The following CFAP97 variants were observed in gnomAD, a reference collection of about 807,000 sequenced individuals.
CFAP97 encodes the protein cilia- and flagella-associated protein 97.
CFAP97 carries 36 observed loss-of-function variants against 43.1 expected under a neutral mutation model. The observed-to-expected ratio is 0.84, with a 90% confidence interval of 0.64 to 1.10. CFAP97 has a LOEUF of 1.10. CFAP97 is among the 50% of genes least tolerant of loss of function. The pLI is 0.00. For synonymous variants in CFAP97, 228 were observed against 225.7 expected (o/e 1.01, Z -0.09); for missense variants, 657 against 620.3 (o/e 1.06, Z -0.63).
intron 3 of CFAP97, among the ~76,000 whole-genome samples, chr4:185,174,355 C>A (rs921660628): frequency 6.6e-6 from 1 of 152,150 alleles, no homozygotes; most frequent in Admixed American, 6.5e-5. Context: ...TCCCACCGAC[C>A]TCATTTCACC....
upstream of CFAP97, chr4:185,210,108 C>T: frequency 3.0e-6 from 3 of 984,146 alleles, no homozygotes; most frequent in African/African-American, 3.5e-5. The surrounding 1 kb of genome is among the most constrained non-coding windows in gnomAD (Gnocchi z 4.4). Context: ...TGTTCAGGCT[C>T]AGCCTGTACC....
At chr4:185,170,332 C>T (rs747172637) in intron 3 of CFAP97, 21 of 599,038 alleles carry the variant, frequency 3.5e-5, no homozygotes, top group Non-Finnish European at 5.4e-5. Context: ...GGTGACAGAG[C>T]GAGATAGTCT....
chr4:185,165,101 C>G (rs1344262032), intron 3 of CFAP97, among the ~76,000 whole-genome samples: 1 of 152,112 alleles, frequency 6.6e-6, no homozygotes, highest in Admixed American at 6.6e-5. Flanking sequence ...GAGAAAAAAG[C>G]TTTTGCTGTT....
At chr4:185,196,561 T>C (rs1736555433) in intron 1 of CFAP97, among the ~76,000 whole-genome samples, 2 of 152,106 alleles carry the variant, frequency 1.3e-5, no homozygotes, top group Non-Finnish European at 2.9e-5. Flanking sequence ...GTACTAGGCC[T>C]TGATGTAAAA....
In CFAP97 at chr4:185,160,325, G is replaced by A. The variant is rs1198001214; in HGVS notation, c.*2473C>T. The A allele has an allele frequency of 6.6e-6, 1 of 151,898 alleles. No homozygotes were observed. The highest frequency in any genetic ancestry group is 2.4e-5 in the African/African-American group (1 of 41,330). The allele number at this position is 151,898 out of a possible 1,614,324, so 9.4% of individuals were successfully genotyped here. A position where few individuals can be genotyped will look rare whatever the true frequency, so the allele number is the denominator to read the frequency against. ...AGACCTCGGATTAGCATACTTTCTA[G>A]TTATAGATGTAAATCTTCAAAGTAC... is the stretch of plus-strand genomic sequence containing the variant. On this transcript the variant is annotated 3_prime_UTR_variant, in exon 5 of 5. Transcript: ENST00000458385.
chr4:185,181,387 G>A (rs930308149), intron 2 of CFAP97, among the ~76,000 whole-genome samples: 3 of 136,272 alleles, frequency 2.2e-5, no homozygotes, highest in South Asian at 4.7e-4. Context: ...ATGCAATGGC[G>A]CGATCTTGGC....
chr4:185,178,274 G>T (rs1279007690), intron 2 of CFAP97, among the ~76,000 whole-genome samples: 5 of 120,808 alleles, frequency 4.1e-5, no homozygotes, highest in Non-Finnish European at 8.0e-5. Flanking sequence ...TTGAGACAGG[G>T]TCTTGCTCTG....
chr4:185,173,064 T>A (rs973904387), intron 3 of CFAP97, among the ~76,000 whole-genome samples: 1 of 151,026 alleles, frequency 6.6e-6, no homozygotes, highest in Non-Finnish European at 1.5e-5. Flanking sequence ...ATTTTTTAAA[T>A]AGAAAAATAA....
intron 2 of CFAP97, among the ~76,000 whole-genome samples, chr4:185,185,204 C>CT (rs542631243): frequency 7.4e-5 from 11 of 149,462 alleles, no homozygotes; most frequent in Non-Finnish European, 1.0e-4. Context: ...GTGAGCTGTA[C>CT]TTTTTTTTTT....
chr4:185,200,264 G>A (rs185393841), intron 1 of CFAP97, among the ~76,000 whole-genome samples: 1 of 152,322 alleles, frequency 6.6e-6, no homozygotes, highest in East Asian at 1.9e-4. Flanking sequence ...AGAAGGCCAA[G>A]GCAGGAGGAC....
intron 2 of CFAP97, among the ~76,000 whole-genome samples, chr4:185,183,672 AGACT>A (rs1218523122): frequency 6.6e-6 from 1 of 152,254 alleles, no homozygotes; most frequent in African/African-American, 2.4e-5. Context: ...CTTATATAAT[AGACT>A]GACAGTCCTA....
chr4:185,176,109 C>CTTTTG (rs1553970911), intron 2 of CFAP97, 58 bp from the exon 3 acceptor site: 43,359 of 1,032,112 alleles, frequency 0.042, 1,825 homozygotes, highest in African/African-American at 0.25. Flanking sequence ...GTGGTACATG[C>CTTTTG]TTTTTTTTTT....
chr4:185,192,979 A>T (rs1430548084), intron 1 of CFAP97, among the ~76,000 whole-genome samples: 1 of 152,002 alleles, frequency 6.6e-6, no homozygotes, highest in African/African-American at 2.4e-5. Context: ...TGACCTTGTG[A>T]TCCGCCCACC....
upstream of CFAP97, among the ~76,000 whole-genome samples, chr4:185,204,801 C>G (rs1737115106): frequency 6.6e-6 from 1 of 152,166 alleles, no homozygotes; most frequent in African/African-American, 2.4e-5. Flanking sequence ...GGCAATGAGC[C>G]AAGGAGTGCA....
intron 2 of CFAP97, among the ~76,000 whole-genome samples, chr4:185,185,122 T>C (rs975359488): frequency 6.6e-6 from 1 of 152,218 alleles, no homozygotes; most frequent in Non-Finnish European, 1.5e-5. Context: ...AGAACAATAC[T>C]TTTTAATGCC....
Position 185,162,308 on chromosome 4 carries a change from T to A in CFAP97, c.*490A>T, listed in dbSNP as rs1734899093. Reference sequence around the variant, plus strand: ...ATCAGCTCTACCAGTGAAAACAAATTTCAAGATTTGTTTCATAATAAGTGT... The same window carrying A: ...ATCAGCTCTACCAGTGAAAACAAATATCAAGATTTGTTTCATAATAAGTGT... On this transcript the variant is annotated 3_prime_UTR_variant, in exon 5 of 5. Transcript: ENST00000458385. The A allele has an allele frequency of 6.4e-6, 1 of 155,052 alleles. No individual in the cohort carries two copies. The highest frequency in any genetic ancestry group is 1.4e-5 in the Non-Finnish European group (1 of 69,918). The allele number at this position is 155,052 out of a possible 1,614,324, so 9.6% of individuals were successfully genotyped here.
chr4:185,204,275 T>G (rs1579281356), upstream of CFAP97: 1 of 152,196 alleles, frequency 6.6e-6, no homozygotes. Context: ...GTAGGCCCCG[T>G]TGTTCTCGTG....
chr4:185,173,173 C>G (rs1735373688), intron 3 of CFAP97, among the ~76,000 whole-genome samples: 1 of 151,926 alleles, frequency 6.6e-6, no homozygotes, highest in African/African-American at 2.4e-5. Flanking sequence ...ACCATCCTGG[C>G]TAACACGGTG....
rs756304814 is a variant in CFAP97 at position 185,190,277 on chromosome 4, G to T, written c.920C>A (p.Ala307Glu). 1.9e-6 allele frequency: 3 copies of T among 1,611,600 alleles called. No individual in the cohort carries two copies. The African/African-American group carries it at 4.0e-5, about 22-fold the overall frequency. ...DLKNNSKYLK[A>E]AKKGKEKHEP... ...ATGTTTTTCTTTCCCTTTTTTGGCTGCTTTCAAATATTTTGAATTATTTTT... is the reference window on the plus strand; with the variant it reads ...ATGTTTTTCTTTCCCTTTTTTGGCTTCTTTCAAATATTTTGAATTATTTTT... Residue 307 changes from alanine to glutamate, a missense_variant, in exon 2 of 5, where the codon GCA becomes GAA. Ala to Glu is a moderately radical substitution (Grantham distance 107). Transcript: ENST00000458385.
Sources: allele counts gnomAD v4.1 joint callset (sites outside exome capture counted in the v4.1 genomes callset), GRCh38; gene constraint gnomAD v4.1.1; non-coding constraint Gnocchi (gnomAD v3.1); transcripts MANE v1.5; gene names NCBI Gene and HGNC (gene_info 2026-07-23, HGNC 2026-07-21).